Variants in PRKG1 observed in about 807,000 individuals in gnomAD.
PRKG1 encodes the protein protein kinase cGMP-dependent 1.
A neutral mutation model predicts 88.1 loss-of-function variants in PRKG1; 35 were observed. That is an observed-to-expected ratio of 0.40 (90% CI 0.30 to 0.53). PRKG1 has a LOEUF of 0.53. PRKG1 is among the 20% of genes least tolerant of loss of function. The pLI is 0.59. For missense variants in PRKG1, 540 were observed against 839.8 expected, an observed-to-expected ratio of 0.64 and a Z score of 4.41; for synonymous variants, 303 against 292.5, an observed-to-expected ratio of 1.04 and a Z score of -0.37.
At chr10:51,675,269 G>T (rs1840681341) in intron 3 of PRKG1, among the ~76,000 whole-genome samples, 3 of 152,194 alleles carry the variant, frequency 2.0e-5, no homozygotes, top group Admixed American at 2.0e-4. Context: ...TTTGGGAAAT[G>T]ACCAAAAAAT....
At chr10:51,314,120 A>G (rs1208128505) in intron 2 of PRKG1, among the ~76,000 whole-genome samples, 2 of 152,160 alleles carry the variant, frequency 1.3e-5, no homozygotes, top group South Asian at 2.1e-4. Context: ...ATACACAGAT[A>G]TATTTGTGTA....
At position 52,293,878 on chromosome 10, in the gene PRKG1, C is replaced by T; in HGVS notation, c.2039C>T (p.Ser680Leu). Residue 680 changes from serine (S) to leucine (L), a missense_variant, in exon 18 of 18, where the codon TCA becomes TTA. Transcript: ENST00000373980. The stretch of plus-strand genomic sequence containing the variant: ...GATGAACCACCACCTGATGACAACT[C>T]AGGATGGGATATAGACTTCTAATGT... The part of the protein sequence containing the change: ...DNDEPPPDDN[S>L]GWDIDF 6.2e-7 allele frequency: 1 copy of T among 1,611,820 alleles called. No homozygotes were observed. Among genetic ancestry groups the T allele is most frequent in the Non-Finnish European group, 8.5e-7 (1 of 1,178,170 alleles).
intron 4 of PRKG1, among the ~76,000 whole-genome samples, chr10:51,866,881 T>C (rs1303792432): frequency 6.6e-6 from 1 of 152,156 alleles, no homozygotes. Flanking sequence ...AAACATGGCA[T>C]TTTTCCTTAA....
intron 2 of PRKG1, among the ~76,000 whole-genome samples, chr10:51,196,756 G>A (rs1294769173): frequency 6.6e-6 from 1 of 152,052 alleles, no homozygotes; most frequent in East Asian, 1.9e-4. Context: ...AAATATTTGA[G>A]TTATAAACAT....
intron 3 of PRKG1, among the ~76,000 whole-genome samples, chr10:51,689,249 T>TATCTATCTATC (rs1360302606): frequency 5.3e-5 from 8 of 151,924 alleles, no homozygotes; most frequent in Non-Finnish European, 1.0e-4. Context: ...ACTATCTATC[T>TATCTATCTATC]ATCTATCTAT....
intron 2 of PRKG1, among the ~76,000 whole-genome samples, chr10:51,258,446 C>T (rs561315357): frequency 5.3e-5 from 8 of 152,308 alleles, no homozygotes; most frequent in African/African-American, 1.9e-4. Context: ...ATGTCAGTAC[C>T]TAATGATTCA....
chr10:51,572,290 T>TA (rs1837776882), intron 3 of PRKG1, among the ~76,000 whole-genome samples: 1 of 151,818 alleles, frequency 6.6e-6, no homozygotes, highest in African/African-American at 2.4e-5. Context: ...CTTCAATCAA[T>TA]AAAAAATATA....
At chr10:51,784,020 C>T (rs1169058740) in intron 3 of PRKG1, among the ~76,000 whole-genome samples, 1 of 152,034 alleles carries the variant, frequency 6.6e-6, no homozygotes, top group Non-Finnish European at 1.5e-5. Flanking sequence ...TTTCTCCATC[C>T]CTTTTGACAT....
At chr10:51,908,719 ATC>A in intron 5 of PRKG1, 3 of 83,190 alleles carry the variant, frequency 3.6e-5, no homozygotes, top group African/African-American at 2.0e-4. Context: ...CTCTCTGTCT[ATC>A]TATCTATATG....
At chr10:51,258,574 T>G (rs1282965575) in intron 2 of PRKG1, among the ~76,000 whole-genome samples, 1 of 152,212 alleles carries the variant, frequency 6.6e-6, no homozygotes, top group Non-Finnish European at 1.5e-5. Flanking sequence ...GCTTCCACTG[T>G]GCATTCTGCT....
chr10:51,501,223 A>G (rs978502892), intron 3 of PRKG1, among the ~76,000 whole-genome samples: 16 of 152,108 alleles, frequency 1.1e-4, no homozygotes, highest in African/African-American at 3.6e-4. Flanking sequence ...TTATAGCAGT[A>G]TTGGGGGCCC....
At chr10:51,420,806 T>C (rs1045604601) in intron 2 of PRKG1, among the ~76,000 whole-genome samples, 9 of 152,152 alleles carry the variant, frequency 5.9e-5, no homozygotes, top group African/African-American at 1.7e-4. Flanking sequence ...TGCAAGCATT[T>C]GCTTCTGCTG....
chr10:51,627,108 A>G (rs1839355613), intron 3 of PRKG1, among the ~76,000 whole-genome samples: 1 of 152,306 alleles, frequency 6.6e-6, no homozygotes, highest in East Asian at 1.9e-4. Flanking sequence ...ACATTGGAAA[A>G]AGGAGTCACG....
At chr10:51,988,719 C>G (rs1028325063) in intron 5 of PRKG1, among the ~76,000 whole-genome samples, 1 of 151,758 alleles carries the variant, frequency 6.6e-6, no homozygotes, top group African/African-American at 2.4e-5. Context: ...GTATCTTGTT[C>G]TTGTTGATTG....
At chr10:52,054,138 T>G (rs764208300) in intron 5 of PRKG1, among the ~76,000 whole-genome samples, 1 of 152,184 alleles carries the variant, frequency 6.6e-6, no homozygotes, top group Non-Finnish European at 1.5e-5. Context: ...AAAGGTATGA[T>G]GTAATCACCT....
chr10:51,011,183 G>C (rs916276558), intron 1 of PRKG1, among the ~76,000 whole-genome samples: 6 of 152,154 alleles, frequency 3.9e-5, no homozygotes, highest in Admixed American at 3.9e-4. Context: ...TTTTGGATCA[G>C]AGAATTATTT....
intron 3 of PRKG1, among the ~76,000 whole-genome samples, chr10:51,634,599 A>C (rs1839609081): frequency 6.6e-6 from 1 of 152,114 alleles, no homozygotes; most frequent in Non-Finnish European, 1.5e-5. Context: ...ACTGGCTAAA[A>C]AGCTATATGA....
intron 3 of PRKG1, among the ~76,000 whole-genome samples, chr10:51,470,538 A>G (rs1840023394): frequency 6.6e-6 from 1 of 151,886 alleles, no homozygotes; most frequent in Admixed American, 6.6e-5. Flanking sequence ...GTTATCTGGC[A>G]TCTTAATGCA....
chr10:51,494,036 T>TATTG (rs2132876931), intron 3 of PRKG1, among the ~76,000 whole-genome samples: 1 of 152,284 alleles, frequency 6.6e-6, no homozygotes, highest in East Asian at 1.9e-4. Context: ...TGTGCTTATA[T>TATTG]ATTGATTGAT....
Sources: allele counts gnomAD v4.1 joint callset (sites outside exome capture counted in the v4.1 genomes callset), GRCh38; gene constraint gnomAD v4.1.1; transcripts MANE v1.5; gene names NCBI Gene and HGNC (gene_info 2026-07-23, HGNC 2026-07-21).